PRKN: variants seen among roughly 807,000 people sequenced by gnomAD.
PRKN encodes parkin RBR E3 ubiquitin protein ligase.
PRKN carries 56 observed loss-of-function variants against 59.5 expected under a neutral mutation model. That is an observed-to-expected ratio of 0.94 (90% CI 0.76 to 1.18). The LOEUF (loss-of-function observed/expected upper bound fraction) is 1.18. PRKN is among the 50% of genes most tolerant of loss of function. The pLI, the probability that PRKN is intolerant of heterozygous loss-of-function variation, is 0.00. For synonymous variants in PRKN, 250 were observed against 222.1 expected (o/e 1.13, Z -1.12); for missense variants, 657 against 596.4 (o/e 1.10, Z -1.06).
rs548683316 is a variant in PRKN, at chr6:161,680,749, ATATATATATATATATATATATATATATTT to A, written c.871+104994_871+105022del. Reference sequence around the variant, plus strand: ...TACATATATATATATATATATATATATATATATATATATATATATATATATATTTTTTTTTTTTTTTCTTTTCCTAAAAC... The same window carrying A: ...TACATATATATATATATATATATATATTTTTTTTTTTTCTTTTCCTAAAAC... On this transcript the variant is annotated intron_variant, in intron 7 of 11. Transcript: ENST00000366898. 2.0e-3 allele frequency among the ~76,000 whole-genome samples: 24 copies of A among 12,088 alleles called. 1 individual carries two copies. The highest frequency in any genetic ancestry group is 0.013 in the Admixed American group (11 of 824). The allele number at this position is 12,088 out of a possible 152,430, so 7.9% of individuals were successfully genotyped here.
chr6:162,661,568 T>C (rs958005690), intron 1 of PRKN, among the ~76,000 whole-genome samples: 3 of 152,168 alleles, frequency 2.0e-5, no homozygotes, highest in African/African-American at 7.2e-5. Flanking sequence ...CACAGAGGTT[T>C]CTTTACTAGA....
rs138771484 is a variant in PRKN at position 162,011,947 on chromosome 6, T to C, written c.619-38530A>G. 6.2e-3 allele frequency among the ~76,000 whole-genome samples: 938 copies of C among 152,076 alleles called. 7 individuals are homozygous for C. Among genetic ancestry groups the C allele is most frequent in the Non-Finnish European group, 8.0e-3 (547 of 67,966 alleles). On this transcript the variant is annotated intron_variant, in intron 5 of 11. Transcript: ENST00000366898. ...TGGATAGCAGAGATTTAGGTAGATA[T>C]ATATTTAGATAGCTAGCTAGCTAGA...
chr6:162,190,181 A>G (rs1784211442), intron 4 of PRKN, among the ~76,000 whole-genome samples: 1 of 152,174 alleles, frequency 6.6e-6, no homozygotes, highest in Non-Finnish European at 1.5e-5. Context: ...ATCGTGCCCT[A>G]CAACAAACCC....
intron 5 of PRKN, among the ~76,000 whole-genome samples, chr6:162,012,193 T>C (rs994561687): frequency 6.6e-6 from 1 of 152,238 alleles, no homozygotes; most frequent in Non-Finnish European, 1.5e-5. Flanking sequence ...TTGGGAATTA[T>C]AAATTTTAAA....
chr6:162,376,014 T>C (rs985701199), intron 2 of PRKN, among the ~76,000 whole-genome samples: 12 of 152,070 alleles, frequency 7.9e-5, no homozygotes, highest in Non-Finnish European at 1.5e-4. Context: ...TGCTAGAGGA[T>C]TGAGGAATCC....
At chr6:161,750,098 C>CATATATATAT (rs72125109) in intron 7 of PRKN, among the ~76,000 whole-genome samples, 2,349 of 145,028 alleles carry the variant, frequency 0.016, 56 homozygotes, top group African/African-American at 0.044. Context: ...ACACATAGGA[C>CATATATATAT]ATATATATAT....
intron 3 of PRKN, among the ~76,000 whole-genome samples, chr6:162,243,110 C>A (rs1049061908): frequency 2.6e-5 from 4 of 151,994 alleles, no homozygotes; most frequent in African/African-American, 9.7e-5. Flanking sequence ...TGAATGGGGT[C>A]CTCCACATGG....
chr6:162,153,481 G>A (rs1003524621), intron 4 of PRKN, among the ~76,000 whole-genome samples: 8 of 152,126 alleles, frequency 5.3e-5, no homozygotes, highest in African/African-American at 1.7e-4. Context: ...TCAGTTCAGC[G>A]GGCCCTTTGC....
chr6:161,526,341 T>C lies in PRKN; in HGVS notation c.1083+22513A>G, dbSNP rs967370155. Reference sequence around the variant, plus strand: ...TGTTCAACAGATTACAGTTGCTTATTGTATTGTACTTGAGTATTGAATAAT... The same window carrying C: ...TGTTCAACAGATTACAGTTGCTTATCGTATTGTACTTGAGTATTGAATAAT... On this transcript the variant is annotated intron_variant, in intron 9 of 11. Transcript: ENST00000366898. The surrounding 1 kb of genome is among the most constrained non-coding windows in gnomAD (Gnocchi z 4.1). Among the ~76,000 whole-genome samples the C allele has an allele frequency of 6.6e-6, 1 of 152,222 alleles. No individual in the cohort carries two copies. Among genetic ancestry groups the C allele is most frequent in the Non-Finnish European group, 1.5e-5 (1 of 68,054 alleles).
intron 4 of PRKN, among the ~76,000 whole-genome samples, chr6:162,199,751 T>C (rs1350716072): frequency 2.6e-5 from 4 of 152,206 alleles, no homozygotes; most frequent in Non-Finnish European, 5.9e-5. Context: ...GAAATGTTCA[T>C]CAAAGTGAAA....
chr6:162,161,565 G>A (rs1333749526), intron 4 of PRKN, among the ~76,000 whole-genome samples: 1 of 152,176 alleles, frequency 6.6e-6, no homozygotes, highest in Non-Finnish European at 1.5e-5. Context: ...CCTATGATGG[G>A]AATCATCTTT....
At chr6:161,437,698 G>A (rs1016393209) in intron 9 of PRKN, among the ~76,000 whole-genome samples, 5 of 152,040 alleles carry the variant, frequency 3.3e-5, no homozygotes, top group African/African-American at 4.8e-5. Flanking sequence ...TTCTGACATC[G>A]TATATTAATG....
intron 7 of PRKN, among the ~76,000 whole-genome samples, chr6:161,687,747 C>T (rs1312690615): frequency 6.6e-6 from 1 of 151,934 alleles, no homozygotes; most frequent in Admixed American, 6.6e-5. Flanking sequence ...TGAGCCACCG[C>T]GCCGGGCCAA....
chr6:161,604,939 AAG>A (rs902959867), intron 7 of PRKN, among the ~76,000 whole-genome samples: 2 of 152,308 alleles, frequency 1.3e-5, no homozygotes, highest in Middle Eastern at 3.4e-3. Context: ...GTCCCCAAAA[AAG>A]AGAGAAATCT....
At chr6:161,898,510 C>T (rs1263244180) in intron 6 of PRKN, among the ~76,000 whole-genome samples, 1 of 152,190 alleles carries the variant, frequency 6.6e-6, no homozygotes, top group Non-Finnish European at 1.5e-5. Flanking sequence ...AACGGAGGCA[C>T]ATACAATTTG....
chr6:161,440,818 T>A lies in PRKN; in HGVS notation c.1084-53941A>T, dbSNP rs1789171335. 6.6e-6 allele frequency among the ~76,000 whole-genome samples: 1 copy of A among 152,078 alleles called. No individual in the cohort carries two copies. The highest frequency in any genetic ancestry group is 1.5e-5 in the Non-Finnish European group (1 of 68,026). On this transcript the variant is annotated intron_variant, in intron 9 of 11. Transcript: ENST00000366898. This position sits in a 1 kb window ranked among gnomAD's most constrained non-coding sequence, Gnocchi z 4.1. ...GAATGGCCCTGGGTTTTCTGAGGGT[T>A]CTTTATTTGTCTTCGAGAATATTAA...
At chr6:162,359,600 A>G (rs966674094) in intron 2 of PRKN, among the ~76,000 whole-genome samples, 5 of 152,116 alleles carry the variant, frequency 3.3e-5, no homozygotes, top group South Asian at 2.1e-4. Flanking sequence ...TTAAAAAAAA[A>G]AAAACATAAA....
intron 6 of PRKN, among the ~76,000 whole-genome samples, chr6:161,953,485 G>GT (rs1290929723): frequency 6.6e-6 from 1 of 152,128 alleles, no homozygotes; most frequent in East Asian, 1.9e-4. Context: ...GTCAAAAGAA[G>GT]TAATTCACAG....
At chr6:161,672,521 A>G (rs1368212895) in intron 7 of PRKN, among the ~76,000 whole-genome samples, 1 of 152,202 alleles carries the variant, frequency 6.6e-6, no homozygotes, top group Admixed American at 6.5e-5. Context: ...CATGTCTGTA[A>G]TCCCAACACT....
Sources: gnomAD v4.1 joint callset for allele counts (sites outside exome capture counted in the v4.1 genomes callset) on GRCh38, gnomAD v4.1.1 for gene constraint, Gnocchi (gnomAD v3.1) non-coding constraint, MANE v1.5 for transcripts, NCBI Gene and HGNC (gene_info 2026-07-23, HGNC 2026-07-21) for gene names.